GOLIM4: variants seen among roughly 807,000 people sequenced by gnomAD.
GOLIM4 encodes the protein golgi integral membrane protein 4.
Under a neutral mutation model 107.4 loss-of-function variants are expected in GOLIM4, and 71 were observed. That is an observed-to-expected ratio of 0.66 (90% CI 0.55 to 0.81). GOLIM4 has a LOEUF of 0.81. GOLIM4 is among the 30% of genes least tolerant of loss of function. The pLI is 0.00. For synonymous variants in GOLIM4, 327 were observed against 294.8 expected, an observed-to-expected ratio of 1.11 and a Z score of -1.12; for missense variants, 830 against 826.1, an observed-to-expected ratio of 1.00 and a Z score of -0.06.
Position 168,032,689 on chromosome 3 carries a change from T to A in GOLIM4, c.1007A>T (p.Glu336Val). 1 of 1,614,066 alleles carries A rather than the reference T, an allele frequency of 6.2e-7. No homozygotes were observed. Among genetic ancestry groups the A allele is most frequent in the Non-Finnish European group, 8.5e-7 (1 of 1,180,012 alleles). ...CTCCAGGGCCTTTCTGTGCTCCTCT[T>A]CCACCTGATGCTCCTCAGGTTCTCT... ...ERREPEEHQV[E>V]EEHRKALEEE... Residue 336 changes from glutamate (E) to valine (V), a missense_variant, in exon 9 of 16, where the codon GAA (glutamate) becomes GTA (valine). Glu to Val is a moderately radical substitution (Grantham distance 121, BLOSUM62 -2). Coordinates refer to ENST00000470487, the MANE Select transcript of GOLIM4 (RefSeq NM_014498.5).
intron 1 of GOLIM4, among the ~76,000 whole-genome samples, chr3:168,082,817 G>T (rs1166163538): frequency 6.6e-6 from 1 of 151,968 alleles, no homozygotes; most frequent in Admixed American, 6.6e-5. Context: ...CAATGGGGCA[G>T]GAAGAGAAAC....
intron 14 of GOLIM4, among the ~76,000 whole-genome samples, chr3:168,018,071 G>A (rs1027418532): frequency 2.6e-5 from 4 of 152,140 alleles, no homozygotes; most frequent in Non-Finnish European, 5.9e-5. Context: ...TAAGTCACTT[G>A]AATGCATTTC....
At chr3:168,054,040 C>G (rs557473900) in intron 1 of GOLIM4, among the ~76,000 whole-genome samples, 2 of 152,322 alleles carry the variant, frequency 1.3e-5, no homozygotes, top group East Asian at 3.9e-4. Flanking sequence ...TCAAAAACGT[C>G]TCCTCAGAGT....
intron 14 of GOLIM4, among the ~76,000 whole-genome samples, chr3:168,018,411 G>A (rs1717494224): frequency 6.6e-6 from 1 of 152,134 alleles, no homozygotes; most frequent in Non-Finnish European, 1.5e-5. Context: ...AGATACCCTG[G>A]GCAGAGCCAA....
At chr3:168,047,476 A>C (rs1719378649) in intron 2 of GOLIM4, among the ~76,000 whole-genome samples, 2 of 152,202 alleles carry the variant, frequency 1.3e-5, no homozygotes, top group African/African-American at 2.4e-5. Flanking sequence ...GAAGGCAAGG[A>C]GACTCCAAAT....
At chr3:168,052,381 C>A (rs895150573) in intron 1 of GOLIM4, among the ~76,000 whole-genome samples, 2 of 151,630 alleles carry the variant, frequency 1.3e-5, no homozygotes, top group Non-Finnish European at 2.9e-5. Flanking sequence ...CACATACACA[C>A]ACTCTCTCAC....
Position 168,093,527 on chromosome 3 carries a change from G to T in GOLIM4, c.187+1572C>A, listed in dbSNP as rs187402469. ...ACATGCCCCTTCCAGCCATGTTTATGAAAATCTAGTCCTGTTATACTATTA... is the reference window on the plus strand; with the variant it reads ...ACATGCCCCTTCCAGCCATGTTTATTAAAATCTAGTCCTGTTATACTATTA... On this transcript the variant is annotated intron_variant, in intron 1 of 15. Transcript: ENST00000470487. Among the ~76,000 whole-genome samples the T allele has an allele frequency of 5.9e-4, 90 of 152,250 alleles. 1 individual carries two copies. The highest frequency in any genetic ancestry group is 2.9e-4 in the Non-Finnish European group (20 of 68,018).
intron 14 of GOLIM4, among the ~76,000 whole-genome samples, chr3:168,021,067 G>A (rs1331347289): frequency 6.6e-6 from 1 of 152,078 alleles, no homozygotes; most frequent in African/African-American, 2.4e-5. Context: ...TATGTTCTAG[G>A]CATTTTAGAA....
At chr3:168,080,404 G>A (rs1278036319) in intron 1 of GOLIM4, among the ~76,000 whole-genome samples, 1 of 152,106 alleles carries the variant, frequency 6.6e-6, no homozygotes, top group Non-Finnish European at 1.5e-5. Flanking sequence ...TGATGCTATA[G>A]TTTTAAAATT....
rs540735857 is a variant in GOLIM4, at chr3:168,042,315, C to T, written c.518-841G>A. On this transcript the variant is annotated intron_variant, in intron 5 of 15. Transcript: ENST00000470487. Reference sequence around the variant, plus strand: ...GTGCAATGCCCCAGCAATGCAGTGCCCCAGCAATGCATTTAATTTTAGTGC... The same window carrying T: ...GTGCAATGCCCCAGCAATGCAGTGCTCCAGCAATGCATTTAATTTTAGTGC... 4.1e-4 allele frequency among the ~76,000 whole-genome samples: 63 copies of T among 152,122 alleles called. 1 individual carries two copies. The South Asian group carries it at 4.2e-3, about 10-fold the overall frequency.
At chr3:168,016,445 G>A (rs2108210794) in intron 14 of GOLIM4, among the ~76,000 whole-genome samples, 1 of 131,352 alleles carries the variant, frequency 7.6e-6, no homozygotes, top group South Asian at 2.1e-4. Flanking sequence ...CTGTTGGTGG[G>A]ACTGTAAACT....
intron 1 of GOLIM4, among the ~76,000 whole-genome samples, chr3:168,079,245 A>G (rs1311606722): frequency 6.6e-6 from 1 of 152,234 alleles, no homozygotes; most frequent in Admixed American, 6.5e-5. Flanking sequence ...TAACATAGTA[A>G]TAGAAATGAG....
intron 1 of GOLIM4, among the ~76,000 whole-genome samples, chr3:168,068,860 G>C (rs1015648313): frequency 6.8e-6 from 1 of 147,424 alleles, no homozygotes; most frequent in Admixed American, 6.9e-5. Flanking sequence ...TTTTGAGACA[G>C]AGTTTCACTC....
rs75420019 is a variant in GOLIM4 at position 168,035,862 on chromosome 3, A to C, written c.843+974T>G. ...TTACAGATGATTGGAAAAAAAAAAA[A>C]CAACCTTTGTAGAAATTAGTGGTAA... On this transcript the variant is annotated intron_variant, in intron 8 of 15. Transcript: ENST00000470487. Among the ~76,000 whole-genome samples, 77 of 152,258 alleles carry C rather than the reference A, an allele frequency of 5.1e-4. 1 individual carries two copies. In the East Asian group the frequency reaches 0.013, roughly 26 times the overall value.
chr3:168,069,901 AATTTTC>A (rs1720750525), intron 1 of GOLIM4, among the ~76,000 whole-genome samples: 1 of 152,206 alleles, frequency 6.6e-6, no homozygotes, highest in African/African-American at 2.4e-5. Flanking sequence ...TAATATAGTT[AATTTTC>A]AACTATGAAG....
intron 1 of GOLIM4, among the ~76,000 whole-genome samples, chr3:168,074,768 T>C (rs912856882): frequency 6.6e-6 from 1 of 152,112 alleles, no homozygotes; most frequent in East Asian, 1.9e-4. Flanking sequence ...ATTAGAAATA[T>C]TACAACTTGG....
intron 1 of GOLIM4, among the ~76,000 whole-genome samples, chr3:168,061,404 T>C (rs1401290361): frequency 6.6e-6 from 1 of 152,160 alleles, no homozygotes; most frequent in Non-Finnish European, 1.5e-5. Context: ...TTTAGAAAAC[T>C]GATAGTGTTA....
chr3:168,048,283 T>C lies in GOLIM4; in HGVS notation c.262+8A>G. ...AAAACACAGAACACAAATTATGTAT[T>C]TACTTACCTTCCTTTGCTTTTTTAT... On this transcript the variant is annotated splice_region_variant and intron_variant, in intron 2 of 15. Transcript: ENST00000470487. 3 of 1,339,118 alleles carry C rather than the reference T, an allele frequency of 2.2e-6. No homozygotes were observed. Among genetic ancestry groups the C allele is most frequent in the Non-Finnish European group, 3.2e-6 (3 of 944,856 alleles). 83.0% of individuals were successfully genotyped at this position (1,339,118 alleles called of 1,614,324 possible).
At chr3:168,079,469 G>C (rs941982293) in intron 1 of GOLIM4, among the ~76,000 whole-genome samples, 1 of 152,160 alleles carries the variant, frequency 6.6e-6, no homozygotes, top group African/African-American at 2.4e-5. Context: ...CATGTGTTTT[G>C]ATCTCATTGC....
Sources: allele counts gnomAD v4.1 joint callset (sites outside exome capture counted in the v4.1 genomes callset), GRCh38; gene constraint gnomAD v4.1.1; transcripts MANE v1.5; gene names NCBI Gene and HGNC (gene_info 2026-07-23, HGNC 2026-07-21).